The following SNRPB variants were observed in gnomAD, a reference collection of about 807,000 sequenced individuals.
SNRPB encodes small nuclear ribonucleoprotein-associated proteins B and B'.
Under a neutral mutation model 26.6 loss-of-function variants are expected in SNRPB, and 5 were observed. The observed-to-expected ratio is 0.19, with a 90% CI of 0.10 to 0.39. SNRPB has a LOEUF of 0.39. Ranked by LOEUF, SNRPB falls within the 10% of genes least tolerant of loss-of-function variation. SNRPB has a pLI of 1.00. For synonymous variants in SNRPB, 122 were observed against 105.8 expected, an observed-to-expected ratio of 1.15 and a Z score of -0.94; for missense variants, 211 against 311.9, an observed-to-expected ratio of 0.68 and a Z score of 2.44.
chr20:2,464,883 A>AC (rs1197752643), intron 3 of SNRPB, among the ~76,000 whole-genome samples: 1 of 66,632 alleles, frequency 1.5e-5, no homozygotes, highest in Non-Finnish European at 4.1e-5. Flanking sequence ...TCTAAAAAAA[A>AC]AAAAAAAAAA....
intron 1 of SNRPB, among the ~76,000 whole-genome samples, 160 bp downstream of exon 1, chr20:2,470,528 C>A (rs886966862): frequency 6.6e-6 from 1 of 152,232 alleles, no homozygotes; most frequent in Non-Finnish European, 1.5e-5. Flanking sequence ...CTAGCCGAAC[C>A]GCCAAGGTCC....
chr20:2,465,865 A>G (rs759900866), intron 2 of SNRPB, 46 bp from the exon 3 acceptor site: 91 of 1,418,952 alleles, frequency 6.4e-5, no homozygotes, highest in Non-Finnish European at 3.4e-5. Context: ...AGAGGTGGGT[A>G]AAGTTCACCT....
At chr20:2,468,715 CA>C (rs2085090200) in intron 1 of SNRPB, among the ~76,000 whole-genome samples, 1 of 152,202 alleles carries the variant, frequency 6.6e-6, no homozygotes, top group Non-Finnish European at 1.5e-5. Context: ...CACCTTAGGT[CA>C]GGAGTTCAAG....
In SNRPB at chr20:2,461,780, C is replaced by T. The variant is rs371293377; in HGVS notation, c.*149G>A. 1.4e-4 allele frequency: 232 copies of T among 1,611,414 alleles called. 4 individuals carry two copies. The highest frequency in any genetic ancestry group is 1.3e-3 in the South Asian group (120 of 90,680). On this transcript the variant is annotated 3_prime_UTR_variant, in exon 7 of 7. Coordinates refer to ENST00000381342, the MANE Select transcript of SNRPB (RefSeq NM_003091.4). ...TCTAGGGCCTTGGTGGGCGCATTCC[C>T]GGGGGAGGGGGCCCTGTAAGGGAAA... is the stretch of plus-strand genomic sequence containing the variant.
At chr20:2,468,694 G>T (rs946196711) in intron 1 of SNRPB, among the ~76,000 whole-genome samples, 4 of 152,232 alleles carry the variant, frequency 2.6e-5, no homozygotes, top group African/African-American at 9.6e-5. Flanking sequence ...GGGAGGCCGA[G>T]GTGGGCAGAA....
At chr20:2,465,404 T>G (rs2085065645) in intron 3 of SNRPB, among the ~76,000 whole-genome samples, 1 of 69,312 alleles carries the variant, frequency 1.4e-5, no homozygotes, top group Non-Finnish European at 2.7e-5. Context: ...TTTTTTTTTT[T>G]GTCTTTTTTT....
chr20:2,461,887 C>T lies in SNRPB; in HGVS notation c.*42G>A, dbSNP rs1318879211. 2 of 1,613,970 alleles carry T rather than the reference C, an allele frequency of 1.2e-6. No individual in the cohort carries two copies. Among genetic ancestry groups the T allele is most frequent in the Non-Finnish European group, 1.7e-6 (2 of 1,179,922 alleles). On this transcript the variant is annotated 3_prime_UTR_variant, in exon 7 of 7. Coordinates refer to ENST00000381342, the MANE Select transcript of SNRPB (RefSeq NM_003091.4). ...GTAACGTGGCCCTGAGGAATCGAGC[C>T]CACGCCTCTGCGGAGCTACTTCCAT...
intron 3 of SNRPB, among the ~76,000 whole-genome samples, chr20:2,464,457 C>T (rs148868154): frequency 1.7e-3 from 256 of 152,274 alleles, no homozygotes; most frequent in Non-Finnish European, 2.9e-3. Context: ...CCCTTGCAGA[C>T]ATTTTTAACT....
rs377020976 is a variant in SNRPB at position 2,465,762 on chromosome 20, C to A, written c.213G>T (p.Leu71=). The part of the protein sequence containing the change: ...REEKRVLGLV[L]LRGENLVSMT... ...TTGAGACCAGATTCTCCCCTCGCAG[C>A]AGCACCAGACCGAGGACTCGCTTCT... The change falls in exon 3 of 7, where the codon CTG becomes CTT. Residue 71 remains leucine, a synonymous_variant. Transcript: ENST00000381342. The A allele has an allele frequency of 6.2e-7, 1 of 1,613,798 alleles. No individual in the cohort carries two copies. The highest frequency in any genetic ancestry group is 8.5e-7 in the Non-Finnish European group (1 of 1,179,962).
At chr20:2,464,612 G>A (rs1450828267) in intron 3 of SNRPB, among the ~76,000 whole-genome samples, 1 of 152,188 alleles carries the variant, frequency 6.6e-6, no homozygotes, top group Non-Finnish European at 1.5e-5. Context: ...TGAAAACACA[G>A]AACAACATAA....
chr20:2,470,734 T>A lies in SNRPB; in HGVS notation c.-44A>T. 1 of 1,609,972 alleles carries A rather than the reference T, an allele frequency of 6.2e-7. No individual in the cohort carries two copies. The highest frequency in any genetic ancestry group is 2.2e-5 in the East Asian group (1 of 44,868). On this transcript the variant is annotated 5_prime_UTR_variant, in exon 1 of 7. Transcript: ENST00000381342. ...TCTGATACCCGCCGGATTCGCCTCC[T>A]CAGAGGCCTAGCCTCTCTCCCACAG...
rs1203815028 is a variant in SNRPB at position 2,465,702 on chromosome 20, A to C, written c.267+6T>G. The C allele has an allele frequency of 6.3e-7, 1 of 1,594,184 alleles. No homozygotes were observed. The highest frequency in any genetic ancestry group is 1.7e-5 in the Admixed American group (1 of 59,944). On this transcript the variant is annotated splice_donor_region_variant and intron_variant, in intron 3 of 6. Coordinates refer to ENST00000381342, the MANE Select transcript of SNRPB (RefSeq NM_003091.4). ...CTCCTCCACAAGGCTTCCTGCTCTG[A>C]CTTACATCTTTGGGAGGAGGTCCCT...
In SNRPB at chr20:2,463,371, C is replaced by G; in HGVS notation, c.421-144G>C. 8.8e-6 allele frequency: 6 copies of G among 679,108 alleles called. No individual in the cohort carries two copies. The South Asian group carries it at 1.0e-4, about 11-fold the overall frequency. The allele number at this position is 679,108 out of a possible 1,614,324, so 42.1% of individuals were successfully genotyped here. A position where few individuals can be genotyped will look rare whatever the true frequency, so the allele number is the denominator to read the frequency against. On this transcript the variant is annotated intron_variant, in intron 4 of 6. Coordinates refer to ENST00000381342, the MANE Select transcript of SNRPB (RefSeq NM_003091.4). This position sits in a 1 kb window ranked among gnomAD's most constrained non-coding sequence, Gnocchi z 5.0. ...AACTCTCAGCACCAGACTTCCCATC[C>G]AAAACCACATGTCGGGAAAGATCAA...
At position 2,461,689 on chromosome 20, in the gene SNRPB, G is replaced by T; in HGVS notation, c.*240C>A. On this transcript the variant is annotated 3_prime_UTR_variant, in exon 7 of 7. Coordinates refer to ENST00000381342, the MANE Select transcript of SNRPB (RefSeq NM_003091.4). The stretch of plus-strand genomic sequence containing the variant: ...TATAAACCAGTTTCATAGGCCACAA[G>T]GAGATAAAAGGACTATGTACAGCCT... 9.2e-7 allele frequency: 1 copy of T among 1,091,026 alleles called. No individual in the cohort carries two copies. The highest frequency in any genetic ancestry group is 2.5e-5 in the Admixed American group (1 of 40,598). The allele number at this position is 1,091,026 out of a possible 1,614,324, so 67.6% of individuals were successfully genotyped here.
chr20:2,463,986 G>T lies in SNRPB; in HGVS notation c.268-87C>A. On this transcript the variant is annotated intron_variant, in intron 3 of 6. Coordinates refer to ENST00000381342, the MANE Select transcript of SNRPB (RefSeq NM_003091.4). The surrounding 1 kb of genome is among the most constrained non-coding windows in gnomAD (Gnocchi z 5.0). The stretch of plus-strand genomic sequence containing the variant: ...AATATCATTGCCAAGAGAGCCCCTC[G>T]AAATAGCTTATAAATACTATCGAAA... The T allele has an allele frequency of 2.7e-6, 3 of 1,129,618 alleles. No individual in the cohort carries two copies. Among genetic ancestry groups the T allele is most frequent in the Non-Finnish European group, 4.0e-6 (3 of 754,782 alleles). The allele number at this position is 1,129,618 out of a possible 1,614,324, so 70.0% of individuals were successfully genotyped here.
chr20:2,467,304 C>A (rs1464273674), intron 2 of SNRPB: 3 of 515,426 alleles, frequency 5.8e-6, no homozygotes, highest in Non-Finnish European at 1.1e-5. Context: ...CAAGCTCTCC[C>A]CCCTCACACA....
chr20:2,462,901 A>G, intron 5 of SNRPB, 140 bp from the exon 6 acceptor site: 2 of 945,534 alleles, frequency 2.1e-6, no homozygotes, highest in East Asian at 5.0e-5. Flanking sequence ...CTGACATTTG[A>G]GCCTAACACC....
In SNRPB at chr20:2,463,918, T is replaced by G; in HGVS notation, c.268-19A>C. On this transcript the variant is annotated intron_variant, in intron 3 of 6. Transcript: ENST00000381342. This position sits in a 1 kb window ranked among gnomAD's most constrained non-coding sequence, Gnocchi z 5.0. The stretch of plus-strand genomic sequence containing the variant: ...TACCAGTCTGAAAAATAAACAAATA[T>G]GCTCTGATGCCCAGTGATCTGAAGA... The G allele has an allele frequency of 6.2e-7, 1 of 1,606,212 alleles. No homozygotes were observed. The highest frequency in any genetic ancestry group is 8.5e-7 in the Non-Finnish European group (1 of 1,173,714).
intron 2 of SNRPB, among the ~76,000 whole-genome samples, chr20:2,466,099 A>G (rs2085071325): frequency 6.6e-6 from 1 of 152,136 alleles, no homozygotes; most frequent in Non-Finnish European, 1.5e-5. Flanking sequence ...GCAACCGTGA[A>G]GGCCCTTCCC....
Sources: allele counts gnomAD v4.1 joint callset (sites outside exome capture counted in the v4.1 genomes callset), GRCh38; gene constraint gnomAD v4.1.1; non-coding constraint Gnocchi (gnomAD v3.1); transcripts MANE v1.5; gene names NCBI Gene and HGNC (gene_info 2026-07-23, HGNC 2026-07-21).